Variants in MACROD2 observed in about 807,000 individuals in gnomAD.
MACROD2 encodes ADP-ribose glycohydrolase MACROD2.
MACROD2 carries 36 observed loss-of-function variants against 70.4 expected under a neutral mutation model. That is an observed-to-expected ratio of 0.51 (90% CI 0.39 to 0.68). MACROD2 has a LOEUF of 0.68. Ranked by LOEUF, MACROD2 falls within the 30% of genes least tolerant of loss-of-function variation. MACROD2 has a pLI of 0.00. For synonymous variants in MACROD2, 172 were observed against 178.8 expected, an observed-to-expected ratio of 0.96 and a Z score of 0.30; for missense variants, 496 against 538.4, an observed-to-expected ratio of 0.92 and a Z score of 0.78.
intron 11 of MACROD2, among the ~76,000 whole-genome samples, chr20:15,936,671 G>A (rs116211497): frequency 3.9e-4 from 56 of 143,250 alleles, no homozygotes; most frequent in Middle Eastern, 3.7e-3. Context: ...GTATATGTGT[G>A]TATATATATA....
At position 14,068,102 on chromosome 20, in the gene MACROD2, G is replaced by A. The variant is rs371796087; in HGVS notation, c.164-17519G>A. Reference sequence around the variant, plus strand: ...CGTTCTTAAAGATACAATGCTGAACGCTCTCATGCGCATGATTTTTCTCTT... The same window carrying A: ...CGTTCTTAAAGATACAATGCTGAACACTCTCATGCGCATGATTTTTCTCTT... On this transcript the variant is annotated intron_variant, in intron 2 of 17. Transcript: ENST00000684519. 9.9e-5 allele frequency among the ~76,000 whole-genome samples: 15 copies of A among 152,278 alleles called. No homozygotes were observed. The East Asian group carries it at 2.5e-3, about 25-fold the overall frequency.
At chr20:16,011,452 G>A (rs1005618571) in intron 15 of MACROD2, among the ~76,000 whole-genome samples, 2 of 152,180 alleles carry the variant, frequency 1.3e-5, no homozygotes, top group East Asian at 1.9e-4. Flanking sequence ...GGTTCTGAGC[G>A]GTGCAAATTG....
intron 7 of MACROD2, among the ~76,000 whole-genome samples, chr20:15,452,603 C>G (rs2046658300): frequency 6.6e-6 from 1 of 152,104 alleles, no homozygotes; most frequent in African/African-American, 2.4e-5. Flanking sequence ...ATAACTGAAT[C>G]ACATCAAGCA....
chr20:14,402,253 G>A (rs1362105774), intron 3 of MACROD2, among the ~76,000 whole-genome samples: 1 of 152,090 alleles, frequency 6.6e-6, no homozygotes, highest in Non-Finnish European at 1.5e-5. Flanking sequence ...AAACACTTAA[G>A]TTCTGGTTGT....
chr20:15,835,065 A>T (rs964717680), intron 8 of MACROD2, among the ~76,000 whole-genome samples: 2 of 152,170 alleles, frequency 1.3e-5, no homozygotes, highest in Non-Finnish European at 2.9e-5. Context: ...GACAATCTCA[A>T]TTGGAGAGGA....
At position 14,062,693 on chromosome 20, in the gene MACROD2, GA is replaced by G. The variant is rs1045813793; in HGVS notation, c.164-22921del. 4.6e-5 allele frequency among the ~76,000 whole-genome samples: 7 copies of G among 152,036 alleles called. No homozygotes were observed. In the East Asian group the frequency reaches 1.4e-3, roughly 29 times the overall value. The stretch of plus-strand genomic sequence containing the variant: ...GGAGTTGCAGTGAATGTCACGGGGA[GA>G]AAAAAAGATATTTCAAAAGTAGAAT... On this transcript the variant is annotated intron_variant, in intron 2 of 17. Coordinates refer to ENST00000684519, the MANE Select transcript of MACROD2 (RefSeq NM_001351661.2).
At chr20:14,146,268 G>C (rs1393480236) in intron 3 of MACROD2, among the ~76,000 whole-genome samples, 1 of 152,086 alleles carries the variant, frequency 6.6e-6, no homozygotes, top group African/African-American at 2.4e-5. Flanking sequence ...GCAGTGAGCC[G>C]AGGTGGCGCC....
chr20:14,223,727 C>T (rs1050993093), intron 3 of MACROD2, among the ~76,000 whole-genome samples: 2 of 151,962 alleles, frequency 1.3e-5, no homozygotes, highest in Non-Finnish European at 2.9e-5. Flanking sequence ...AGGCTGGTCT[C>T]GACCTTGTGA....
chr20:14,254,226 A>G (rs1450136701), intron 3 of MACROD2, among the ~76,000 whole-genome samples: 1 of 151,938 alleles, frequency 6.6e-6, no homozygotes, highest in African/African-American at 2.4e-5. Context: ...TTTGCTTTTC[A>G]GTTATTTTCC....
intron 3 of MACROD2, among the ~76,000 whole-genome samples, chr20:14,206,633 T>C (rs2081525842): frequency 6.6e-6 from 1 of 152,108 alleles, no homozygotes; most frequent in Non-Finnish European, 1.5e-5. Flanking sequence ...AGCTGGTCTT[T>C]TTCATCCCAC....
At chr20:14,900,340 AGT>A (rs894164187) in intron 5 of MACROD2, among the ~76,000 whole-genome samples, 2 of 152,100 alleles carry the variant, frequency 1.3e-5, no homozygotes, top group African/African-American at 4.8e-5. Flanking sequence ...TGAGCTCGGA[AGT>A]GTTTCTTCGT....
rs779668110 is a variant in MACROD2, at chr20:14,779,374, C to CA, written c.418+94416dup. Among the ~76,000 whole-genome samples the CA allele has an allele frequency of 3.4e-4, 52 of 152,198 alleles. 1 individual carries two copies. The Middle Eastern group carries it at 0.037, about 110-fold the overall frequency. On this transcript the variant is annotated intron_variant, in intron 5 of 17. Transcript: ENST00000684519. ...AAGGTAATTGCAGTGACTGTATTGA[C>CA]ATGTAATGATATATTCACGAGCTAA...
At chr20:15,817,033 G>T (rs2063884241) in intron 8 of MACROD2, among the ~76,000 whole-genome samples, 1 of 152,144 alleles carries the variant, frequency 6.6e-6, no homozygotes, top group Non-Finnish European at 1.5e-5. Context: ...GAGAGCGGAG[G>T]CTAAGCCTTT....
At chr20:15,998,118 G>A (rs1178866253) in intron 15 of MACROD2, among the ~76,000 whole-genome samples, 1 of 152,124 alleles carries the variant, frequency 6.6e-6, no homozygotes. Flanking sequence ...TTTTCATCAA[G>A]GGTATTGGCC....
chr20:15,400,777 G>A (rs116472279), intron 6 of MACROD2, among the ~76,000 whole-genome samples: 1,755 of 152,242 alleles, frequency 0.012, 43 homozygotes, highest in African/African-American at 0.04. Context: ...ATTTGAGCAT[G>A]CCCTATCAAA....
intron 3 of MACROD2, among the ~76,000 whole-genome samples, chr20:14,119,062 G>A (rs368287628): frequency 1.3e-5 from 2 of 151,318 alleles, no homozygotes. Context: ...TGGCCAGGCT[G>A]GTCTCGAACT....
chr20:15,927,544 T>C (rs1369277438), intron 10 of MACROD2, among the ~76,000 whole-genome samples: 4 of 152,156 alleles, frequency 2.6e-5, no homozygotes, highest in Non-Finnish European at 5.9e-5. Context: ...TAAAGTCGAA[T>C]ACGACGGTAT....
At chr20:14,552,204 C>T (rs956794563) in intron 4 of MACROD2, among the ~76,000 whole-genome samples, 2 of 147,600 alleles carry the variant, frequency 1.4e-5, no homozygotes, top group South Asian at 2.2e-4. Flanking sequence ...TAGATTTTCT[C>T]AAAAATGACT....
intron 4 of MACROD2, among the ~76,000 whole-genome samples, chr20:14,583,936 C>T (rs1981204225): frequency 6.6e-6 from 1 of 152,138 alleles, no homozygotes; most frequent in African/African-American, 2.4e-5. Context: ...GATCAATCCT[C>T]CTCAGAACCA....
Sources: gnomAD v4.1 joint callset for allele counts (sites outside exome capture counted in the v4.1 genomes callset) on GRCh38, gnomAD v4.1.1 for gene constraint, MANE v1.5 for transcripts, NCBI Gene and HGNC (gene_info 2026-07-23, HGNC 2026-07-21) for gene names.